NACC2: variants seen among roughly 807,000 people sequenced by gnomAD.
NACC2 encodes NACC family member 2.
In NACC2, 8 loss-of-function variants were observed where a neutral mutation model predicts 25.1. The ratio of observed to expected loss-of-function variants is 0.32; its 90% CI spans 0.19 to 0.57. NACC2 has a LOEUF of 0.57. Ranked by LOEUF, NACC2 falls within the 20% of genes least tolerant of loss-of-function variation. The probability of loss-of-function intolerance (pLI) is 0.89; values close to 1 mark genes in which losing one functional copy is unlikely to be tolerated. For missense variants in NACC2, 644 were observed against 650.2 expected, an observed-to-expected ratio of 0.99 and a Z score of 0.10; for synonymous variants, 435 against 294.7, an observed-to-expected ratio of 1.48 and a Z score of -4.88.
At chr9:136,042,531 G>A (rs1369701452) in intron 2 of NACC2, among the ~76,000 whole-genome samples, 3 of 152,114 alleles carry the variant, frequency 2.0e-5, no homozygotes, top group Non-Finnish European at 4.4e-5. Flanking sequence ...GGAAGGAAAT[G>A]AACCTTCCCA....
intron 1 of NACC2, among the ~76,000 whole-genome samples, chr9:136,066,493 C>CT (rs1564236910): frequency 1.3e-5 from 2 of 152,072 alleles, no homozygotes; most frequent in Non-Finnish European, 2.9e-5. Flanking sequence ...ATCAAAAAGA[C>CT]AGAAAACAAA....
chr9:136,028,338 T>G (rs1840424603), intron 2 of NACC2, among the ~76,000 whole-genome samples: 1 of 151,782 alleles, frequency 6.6e-6, no homozygotes, highest in African/African-American at 2.4e-5. Context: ...GCTGACCACA[T>G]GTACTTTCTG....
Position 136,050,096 on chromosome 9 carries a change from G to A in NACC2, c.426C>T (p.Pro142=). 1 of 750,832 alleles carries A rather than the reference G, an allele frequency of 1.3e-6. No homozygotes were observed. The highest frequency in any genetic ancestry group is 2.4e-6 in the Non-Finnish European group (1 of 408,192). The allele number at this position is 750,832 out of a possible 1,614,324, so 46.5% of individuals were successfully genotyped here. The change falls in exon 2 of 6, where the codon CCC becomes CCT. Residue 142 remains proline (P), a synonymous_variant. Coordinates refer to ENST00000277554, the MANE Select transcript of NACC2 (RefSeq NM_144653.5). ...TAVIEDAGSE[P]QSPCNQLQPA... The stretch of plus-strand genomic sequence containing the variant: ...GCTGCAGCTGGTTGCAGGGGCTCTG[G>A]GGCTCGGAGCCGGCGTCCTCGATCA...
At chr9:136,035,405 T>C (rs1285192552) in intron 2 of NACC2, among the ~76,000 whole-genome samples, 1 of 151,646 alleles carries the variant, frequency 6.6e-6, no homozygotes, top group African/African-American at 2.4e-5. Flanking sequence ...AGGAGAAACC[T>C]GACAAACCTA....
intron 1 of NACC2, among the ~76,000 whole-genome samples, chr9:136,081,996 G>A (rs1830329315): frequency 6.6e-6 from 1 of 152,196 alleles, no homozygotes; most frequent in Admixed American, 6.5e-5. Context: ...CCAGGCTGCA[G>A]CAAAGGCCAA....
intron 2 of NACC2, among the ~76,000 whole-genome samples, chr9:136,045,944 G>A (rs1286556779): frequency 6.6e-6 from 1 of 152,162 alleles, no homozygotes; most frequent in African/African-American, 2.4e-5. Context: ...GCCTTGCCGG[G>A]GAAGCCCCGG....
chr9:136,040,984 G>C (rs1482375191), intron 2 of NACC2, among the ~76,000 whole-genome samples: 1 of 140,026 alleles, frequency 7.1e-6, no homozygotes, highest in African/African-American at 2.7e-5. Context: ...AGAAAGAAAA[G>C]GAAGGAAAGG....
At chr9:136,091,608 C>T (rs1230866878) in intron 1 of NACC2, among the ~76,000 whole-genome samples, 1 of 152,218 alleles carries the variant, frequency 6.6e-6, no homozygotes, top group African/African-American at 2.4e-5. Flanking sequence ...GATGCCTTCA[C>T]GCCTGCCCAC....
intron 2 of NACC2, among the ~76,000 whole-genome samples, chr9:136,021,340 G>C (rs983029166): frequency 7.2e-6 from 1 of 139,164 alleles, no homozygotes; most frequent in Non-Finnish European, 1.5e-5. Context: ...CCACCTCCCA[G>C]TGCGGGAAAC....
At position 136,007,238 on chromosome 9, in the gene NACC2, C is replaced by CCTTTT. The variant is rs1315748587; in HGVS notation, c.*4273_*4277dup. The CCTTTT allele has an allele frequency of 6.5e-6, 1 of 154,382 alleles. No homozygotes were observed. Among genetic ancestry groups the CCTTTT allele is most frequent in the Non-Finnish European group, 1.5e-5 (1 of 68,208 alleles). The allele number at this position is 154,382 out of a possible 1,614,324, so 9.6% of individuals were successfully genotyped here. On this transcript the variant is annotated 3_prime_UTR_variant, in exon 6 of 6. Coordinates refer to ENST00000277554, the MANE Select transcript of NACC2 (RefSeq NM_144653.5). ...TTGCGATTCTGCATGATTTTCCTTTCCTTTTCTTTTTCCAAAGAAACAAAA... is the reference window on the plus strand; with the variant it reads ...TTGCGATTCTGCATGATTTTCCTTTCCTTTTCTTTTCTTTTTCCAAAGAAACAAAA...
rs373620315 is a variant in NACC2 at position 136,019,640 on chromosome 9, C to G, written c.887-3211G>C. Among the ~76,000 whole-genome samples, 1 of 152,290 alleles carries G rather than the reference C, an allele frequency of 6.6e-6. No homozygotes were observed. The highest frequency in any genetic ancestry group is 2.4e-5 in the African/African-American group (1 of 41,568). On this transcript the variant is annotated intron_variant, in intron 2 of 5. Transcript: ENST00000277554. This position sits in a 1 kb window ranked among gnomAD's most constrained non-coding sequence, Gnocchi z 5.2. Reference sequence around the variant, plus strand: ...CAGGGAAGGTGCACCAGGGTCACGACGAGAGGGCCCGGAGCAGCAGCCTCC... The same window carrying G: ...CAGGGAAGGTGCACCAGGGTCACGAGGAGAGGGCCCGGAGCAGCAGCCTCC...
chr9:136,067,186 G>A (rs753863355), intron 1 of NACC2, among the ~76,000 whole-genome samples: 11 of 151,602 alleles, frequency 7.3e-5, no homozygotes, highest in Non-Finnish European at 1.5e-4. Flanking sequence ...CCCGGGAGGC[G>A]GACGTTGCGG....
chr9:136,085,105 C>A (rs1272479447), intron 1 of NACC2, among the ~76,000 whole-genome samples: 3 of 145,870 alleles, frequency 2.1e-5, no homozygotes, highest in African/African-American at 7.5e-5. Flanking sequence ...GAATTTATAG[C>A]CTGGGCAACA....
At position 136,020,334 on chromosome 9, in the gene NACC2, C is replaced by T. The variant is rs1252530659; in HGVS notation, c.887-3905G>A. Among the ~76,000 whole-genome samples the T allele has an allele frequency of 2.6e-5, 4 of 152,182 alleles. No individual in the cohort carries two copies. The highest frequency in any genetic ancestry group is 4.4e-5 in the Non-Finnish European group (3 of 68,028). On this transcript the variant is annotated intron_variant, in intron 2 of 5. Coordinates refer to ENST00000277554, the MANE Select transcript of NACC2 (RefSeq NM_144653.5). This position sits in a 1 kb window ranked among gnomAD's most constrained non-coding sequence, Gnocchi z 4.7. ...CACGTCCTCACCAGGCAAAACACCC[C>T]GAGATCCCTGCCCACGGGCCAACAC...
Position 136,013,165 on chromosome 9 carries a change from G to GGCCCCCC in NACC2, c.1255+33_1255+34insGGGGGGC. 1.4e-6 allele frequency: 1 copy of GGCCCCCC among 706,960 alleles called. No individual in the cohort carries two copies. Among genetic ancestry groups the GGCCCCCC allele is most frequent in the Non-Finnish European group, 2.6e-6 (1 of 391,586 alleles). The allele number at this position is 706,960 out of a possible 1,614,324, so 43.8% of individuals were successfully genotyped here. On this transcript the variant is annotated intron_variant, in intron 5 of 5. Coordinates refer to ENST00000277554, the MANE Select transcript of NACC2 (RefSeq NM_144653.5). The surrounding 1 kb of genome is among the most constrained non-coding windows in gnomAD (Gnocchi z 6.6). ...AGGCTGGGATCTGAACCCAGCCCCG[G>GGCCCCCC]CCCCACCCACCCGAGAGACCCCCAG... is the stretch of plus-strand genomic sequence containing the variant.
chr9:136,089,417 G>T (rs745875455), intron 1 of NACC2, among the ~76,000 whole-genome samples: 1 of 152,056 alleles, frequency 6.6e-6, no homozygotes, highest in Non-Finnish European at 1.5e-5. Context: ...CGAAGGGTAG[G>T]GGGTACAGAC....
chr9:136,051,181 G>C (rs1427951316), intron 1 of NACC2, among the ~76,000 whole-genome samples: 1 of 152,176 alleles, frequency 6.6e-6, no homozygotes, highest in Non-Finnish European at 1.5e-5. Context: ...GTAGGGAATG[G>C]CTGGGGGTGC....
intron 1 of NACC2, among the ~76,000 whole-genome samples, chr9:136,061,292 C>T (rs1238868495): frequency 6.6e-6 from 1 of 152,172 alleles, no homozygotes; most frequent in Non-Finnish European, 1.5e-5. Context: ...CAGCCTCCAG[C>T]CACTGGGACC....
intron 1 of NACC2, among the ~76,000 whole-genome samples, chr9:136,075,593 A>G (rs1420185634): frequency 6.6e-6 from 1 of 152,232 alleles, no homozygotes; most frequent in Non-Finnish European, 1.5e-5. Flanking sequence ...ATAGGCCCAC[A>G]TTCAGGGTTC....
Sources: gnomAD v4.1 joint callset for allele counts (sites outside exome capture counted in the v4.1 genomes callset) on GRCh38, gnomAD v4.1.1 for gene constraint, Gnocchi (gnomAD v3.1) non-coding constraint, MANE v1.5 for transcripts, NCBI Gene and HGNC (gene_info 2026-07-23, HGNC 2026-07-21) for gene names.